The following FBXL16 variants were observed in gnomAD, a reference collection of about 807,000 sequenced individuals.
FBXL16 encodes the protein F-box and leucine rich repeat protein 16.
In FBXL16, 7 loss-of-function variants were observed where a neutral mutation model predicts 36.7. That is an observed-to-expected ratio of 0.19 (90% CI 0.11 to 0.36). The LOEUF (loss-of-function observed/expected upper bound fraction) is 0.36, where lower values mean the gene tolerates loss of function less well. Ranked by LOEUF, FBXL16 falls within the 10% of genes least tolerant of loss-of-function variation. The probability of loss-of-function intolerance (pLI) is 1.00; values close to 1 mark genes in which losing one functional copy is unlikely to be tolerated. For synonymous variants in FBXL16, 355 were observed against 308.7 expected (o/e 1.15, Z -1.57); for missense variants, 463 against 659.4 (o/e 0.70, Z 3.26).
At chr16:698,549 A>G (rs1025701274) in intron 1 of FBXL16, among the ~76,000 whole-genome samples, 2 of 152,202 alleles carry the variant, frequency 1.3e-5, no homozygotes, top group Admixed American at 1.3e-4. Flanking sequence ...GGGTGACTGC[A>G]CAGCGCTCAG....
intron 5 of FBXL16, 94 bp downstream of exon 5, chr16:694,540 T>A: frequency 6.6e-7 from 1 of 1,515,484 alleles, no homozygotes; most frequent in Non-Finnish European, 8.9e-7. Flanking sequence ...CCGCGCCGGG[T>A]GTGAGTTTGC....
chr16:694,450 G>A (rs745678430), intron 5 of FBXL16, 27 bp from the exon 6 acceptor site: 1 of 1,529,456 alleles, frequency 6.5e-7, no homozygotes, highest in Non-Finnish European at 8.7e-7. Flanking sequence ...GGGCGGCTCA[G>A]TGCGCGCGGC....
rs751364526 is a variant in FBXL16, at chr16:697,238, TGGG to T, written c.165_167del (p.Pro58del). 1 of 267,420 alleles carries T rather than the reference TGGG, an allele frequency of 3.7e-6. No individual in the cohort carries two copies. The highest frequency in any genetic ancestry group is 1.4e-4 in the African/African-American group (1 of 7,180). 16.6% of individuals were successfully genotyped at this position (267,420 alleles called of 1,614,324 possible). ...ACAGTGGAGCAGCCAGGCTGGGTGGTGGGAGGGTGGGTGGGGGTGGTGGCTGGC... is the reference window on the plus strand; with the variant it reads ...ACAGTGGAGCAGCCAGGCTGGGTGGTAGGGTGGGTGGGGGTGGTGGCTGGC... On this transcript the variant is annotated inframe_deletion, in exon 2 of 6. Transcript: ENST00000397621. The surrounding 1 kb of genome is among the most constrained non-coding windows in gnomAD (Gnocchi z 4.6).
At chr16:698,929 A>AG (rs1555479484) in intron 1 of FBXL16, among the ~76,000 whole-genome samples, 6 of 87,808 alleles carry the variant, frequency 6.8e-5, no homozygotes, top group South Asian at 5.4e-4. Flanking sequence ...AAAAAAAAAA[A>AG]AAAGAAAGAA....
In FBXL16 at chr16:697,550, A is replaced by G; in HGVS notation, c.-14-131T>C. On this transcript the variant is annotated intron_variant, in intron 1 of 5. Transcript: ENST00000397621. The surrounding 1 kb of genome is among the most constrained non-coding windows in gnomAD (Gnocchi z 4.6). ...GTGCTCCCAGAACCACCAGACAGAG[A>G]GGATGGGAGTGCCTGCTTCTCCCTC... The G allele has an allele frequency of 8.4e-7, 1 of 1,189,526 alleles. No homozygotes were observed. The highest frequency in any genetic ancestry group is 1.1e-6 in the Non-Finnish European group (1 of 884,350). 73.7% of individuals were successfully genotyped at this position (1,189,526 alleles called of 1,614,324 possible).
At position 694,898 on chromosome 16, in the gene FBXL16, C is replaced by T; in HGVS notation, c.1227+94G>A. ...GTCGGCTGCTGGATAGGGAGGGGCC[C>T]CAGACTCTCCCAGGATCTGAGTGGG... On this transcript the variant is annotated intron_variant, in intron 4 of 5. Coordinates refer to ENST00000397621, the MANE Select transcript of FBXL16 (RefSeq NM_153350.4). 2.2e-6 allele frequency: 3 copies of T among 1,376,212 alleles called. No individual in the cohort carries two copies. The South Asian group carries it at 4.4e-5, about 20-fold the overall frequency. 85.3% of individuals were successfully genotyped at this position (1,376,212 alleles called of 1,614,324 possible).
Position 697,144 on chromosome 16 carries a change from G to T in FBXL16, c.262C>A (p.His88Asn). 1.3e-6 allele frequency: 2 copies of T among 1,598,506 alleles called. No homozygotes were observed. Among genetic ancestry groups the T allele is most frequent in the South Asian group, 1.1e-5 (1 of 89,316 alleles). Residue 88 changes from histidine to asparagine, a missense_variant, in exon 2 of 6, where the codon CAC becomes AAC. This residue lies in a region of FBXL16 where 263 missense variants were observed against 341.1 expected (regional missense o/e 0.77). Coordinates refer to ENST00000397621, the MANE Select transcript of FBXL16 (RefSeq NM_153350.4). This position sits in a 1 kb window ranked among gnomAD's most constrained non-coding sequence, Gnocchi z 4.6. ...GGPASALAPG[H>N]PAERPPLATD... Reference sequence around the variant, plus strand: ...GCCAGCGGCGGCCGCTCCGCTGGGTGCCCAGGTGCCAAGGCTGAGGCTGGT... The same window carrying T: ...GCCAGCGGCGGCCGCTCCGCTGGGTTCCCAGGTGCCAAGGCTGAGGCTGGT...
At chr16:694,479 C>CGGCCG (rs1401346772) in intron 5 of FBXL16, 56 bp from the exon 6 acceptor site, 10 of 1,498,746 alleles carry the variant, frequency 6.7e-6, no homozygotes, top group Non-Finnish European at 8.9e-6. Flanking sequence ...CGGGCGGGGA[C>CGGCCG]GGCCGGGCCG....
chr16:699,655 G>A (rs1007248601), intron 1 of FBXL16, among the ~76,000 whole-genome samples: 5 of 152,216 alleles, frequency 3.3e-5, no homozygotes, highest in Non-Finnish European at 5.9e-5. Flanking sequence ...CCAGGGCAAA[G>A]CAAGATGCAT....
rs376410129 is a variant in FBXL16 at position 694,299 on chromosome 16, C to G, written c.1416G>C (p.Leu472=). The G allele has an allele frequency of 1.4e-5, 21 of 1,455,382 alleles. No homozygotes were observed. Among genetic ancestry groups the G allele is most frequent in the Non-Finnish European group, 1.7e-5 (19 of 1,103,466 alleles). 90.2% of individuals were successfully genotyped at this position (1,455,382 alleles called of 1,614,324 possible). A position where few individuals can be genotyped will look rare whatever the true frequency, so the allele number is the denominator to read the frequency against. ...GCTACTCAATGACGAGGCAGCGGGG[C>G]AGGTGCTGCGAGAAATACTTGAAGA... ...PELFKYFSQH[L]PRCLVIE is the part of the protein sequence containing the mutation. The change falls in exon 6 of 6, where the codon CTG becomes CTC. Residue 472 remains leucine, a synonymous_variant. Transcript: ENST00000397621.
intron 1 of FBXL16, among the ~76,000 whole-genome samples, chr16:698,900 T>G (rs1596574562): frequency 1.9e-5 from 2 of 103,494 alleles, no homozygotes; most frequent in Non-Finnish European, 3.5e-5. Flanking sequence ...GGGAACAGAG[T>G]GAGACTTTGT....
intron 1 of FBXL16, among the ~76,000 whole-genome samples, chr16:698,717 C>G (rs2040033217): frequency 6.6e-6 from 1 of 152,070 alleles, no homozygotes; most frequent in Admixed American, 6.5e-5. Flanking sequence ...GGGTTTGAGA[C>G]CACCTGGCCA....
At chr16:703,447 C>A (rs890821897) in intron 1 of FBXL16, among the ~76,000 whole-genome samples, 6 of 152,232 alleles carry the variant, frequency 3.9e-5, no homozygotes, top group Non-Finnish European at 8.8e-5. Flanking sequence ...TGAGCCCTGC[C>A]TGCAGAGGGC....
At position 697,406 on chromosome 16, in the gene FBXL16, CT is replaced by C; in HGVS notation, c.-2del. The stretch of plus-strand genomic sequence containing the variant: ...CGCCGTCGATGCCCGGGCTCGACAT[CT>C]TCCTGGCACGCTCTGTGGATGAGGG... On this transcript the variant is annotated 5_prime_UTR_variant, in exon 2 of 6. Transcript: ENST00000397621. The surrounding 1 kb of genome is among the most constrained non-coding windows in gnomAD (Gnocchi z 4.6). 6.5e-7 allele frequency: 1 copy of C among 1,532,040 alleles called. No homozygotes were observed. The highest frequency in any genetic ancestry group is 8.7e-7 in the Non-Finnish European group (1 of 1,145,102). 94.9% of individuals were successfully genotyped at this position (1,532,040 alleles called of 1,614,324 possible).
At chr16:702,349 G>A (rs187545778) in intron 1 of FBXL16, among the ~76,000 whole-genome samples, 3 of 152,224 alleles carry the variant, frequency 2.0e-5, no homozygotes, top group Non-Finnish European at 4.4e-5. Flanking sequence ...GTGCGAGGTC[G>A]CCCCTGCCTC....
chr16:699,445 C>T (rs186639165), intron 1 of FBXL16, among the ~76,000 whole-genome samples: 4 of 152,338 alleles, frequency 2.6e-5, no homozygotes, highest in East Asian at 1.9e-4. Context: ...TGGGGTCACA[C>T]GCCCTGGACT....
At chr16:703,182 G>C (rs1567300247) in intron 1 of FBXL16, among the ~76,000 whole-genome samples, 1 of 152,150 alleles carries the variant, frequency 6.6e-6, no homozygotes, top group Non-Finnish European at 1.5e-5. Context: ...CTGGGCCCTG[G>C]GCTAGTGGTC....
intron 1 of FBXL16, among the ~76,000 whole-genome samples, chr16:699,268 G>A (rs1423071291): frequency 1.3e-5 from 2 of 152,228 alleles, no homozygotes; most frequent in African/African-American, 2.4e-5. Flanking sequence ...AGTGGGAGCA[G>A]TCCCGGGCAC....
intron 1 of FBXL16, among the ~76,000 whole-genome samples, chr16:702,372 C>T (rs1302448181): frequency 1.3e-5 from 2 of 152,168 alleles, no homozygotes; most frequent in Non-Finnish European, 2.9e-5. Flanking sequence ...GCTCCGGGAC[C>T]CCCAGCTCTT....
Sources: gnomAD v4.1 joint callset for allele counts (sites outside exome capture counted in the v4.1 genomes callset) on GRCh38, gnomAD v4.1.1 for gene constraint, gnomAD v4.1.1 regional missense constraint, Gnocchi (gnomAD v3.1) non-coding constraint, MANE v1.5 for transcripts, NCBI Gene and HGNC (gene_info 2026-07-23, HGNC 2026-07-21) for gene names.